TENM3: variants seen among roughly 807,000 people sequenced by gnomAD.
The protein encoded by TENM3 is teneurin transmembrane protein 3.
Under a neutral mutation model 255.1 loss-of-function variants are expected in TENM3, and 63 were observed. That is an observed-to-expected ratio of 0.25 (90% CI 0.20 to 0.30). The LOEUF is 0.30. TENM3 is among the 10% of genes least tolerant of loss of function. The pLI, the probability that TENM3 is intolerant of heterozygous loss-of-function variation, is 1.00. For missense variants in TENM3, 2,929 were observed against 3,461.1 expected, an observed-to-expected ratio of 0.85 and a Z score of 3.86; for synonymous variants, 1,306 against 1,322.3, an observed-to-expected ratio of 0.99 and a Z score of 0.27.
At chr4:181,832,938 G>A in the TENM3 span, among the ~76,000 whole-genome samples, 1 of 152,152 alleles carries the variant, frequency 6.6e-6, no homozygotes, top group African/African-American at 2.4e-5. Context: ...TACCAAACTA[G>A]TGGTGGACAC....
rs571501171 is a variant in TENM3, at chr4:182,446,537, T to G, written c.511+99608T>G. Among the ~76,000 whole-genome samples the G allele has an allele frequency of 2.0e-5, 3 of 152,296 alleles. No individual in the cohort carries two copies. The South Asian group carries it at 6.2e-4, about 32-fold the overall frequency. Reference sequence around the variant, plus strand: ...TGCTTATCTTTCTGCATTCGAACGTTCTAGTCCAAGTCCAGATTTGCTAAC... The same window carrying G: ...TGCTTATCTTTCTGCATTCGAACGTGCTAGTCCAAGTCCAGATTTGCTAAC... On this transcript the variant is annotated intron_variant, in intron 3 of 27. Coordinates refer to ENST00000511685, the MANE Select transcript of TENM3 (RefSeq NM_001080477.4).
the TENM3 span, among the ~76,000 whole-genome samples, chr4:181,782,123 T>G: frequency 2.6e-5 from 4 of 152,312 alleles, no homozygotes; most frequent in South Asian, 8.3e-4. Context: ...ATCAGGATGA[T>G]GCTGGCCTCA....
At chr4:181,785,659 C>T in the TENM3 span, among the ~76,000 whole-genome samples, 1 of 152,032 alleles carries the variant, frequency 6.6e-6, no homozygotes, top group Non-Finnish European at 1.5e-5. Flanking sequence ...ATTTGAGATG[C>T]TTAGCTAGTG....
the TENM3 span, among the ~76,000 whole-genome samples, chr4:181,818,990 C>A: frequency 1.3e-5 from 2 of 152,172 alleles, no homozygotes; most frequent in African/African-American, 2.4e-5. Context: ...AAGACCATGA[C>A]CATGGTTAGG....
chr4:181,864,887 C>T, the TENM3 span, among the ~76,000 whole-genome samples: 4 of 152,158 alleles, frequency 2.6e-5, no homozygotes, highest in African/African-American at 7.2e-5. Context: ...ATTAGCAAAC[C>T]GCGTCTTTCA....
chr4:181,608,293 T>C, the TENM3 span, among the ~76,000 whole-genome samples: 1 of 152,194 alleles, frequency 6.6e-6, no homozygotes, highest in Non-Finnish European at 1.5e-5. Context: ...CATGCATAAT[T>C]TGAAAATAAT....
chr4:182,756,849 G>C (rs774962457), intron 22 of TENM3, among the ~76,000 whole-genome samples: 1 of 152,100 alleles, frequency 6.6e-6, no homozygotes, highest in African/African-American at 2.4e-5. Context: ...CATTCCTTTT[G>C]CTCATTTTAG....
intron 3 of TENM3, among the ~76,000 whole-genome samples, chr4:182,443,983 C>T (rs1188200658): frequency 6.6e-6 from 1 of 152,262 alleles, no homozygotes; most frequent in Non-Finnish European, 1.5e-5. Flanking sequence ...GAAATGATTT[C>T]AGATGTGGGT....
chr4:181,579,893 T>C, the TENM3 span, among the ~76,000 whole-genome samples: 1,728 of 152,192 alleles, frequency 0.011, 33 homozygotes, highest in South Asian at 0.092. Context: ...TCCCCATGTT[T>C]GGGAGACTGC....
At chr4:181,974,136 C>T in the TENM3 span, among the ~76,000 whole-genome samples, 9 of 152,178 alleles carry the variant, frequency 5.9e-5, no homozygotes, top group South Asian at 2.1e-4. Context: ...GTCCTGCATG[C>T]GGAAGAAATG....
At chr4:181,732,667 A>G in the TENM3 span, among the ~76,000 whole-genome samples, 1 of 152,142 alleles carries the variant, frequency 6.6e-6, no homozygotes, top group African/African-American at 2.4e-5. Flanking sequence ...GTTCCAATTA[A>G]TAGAAAATTG....
the TENM3 span, among the ~76,000 whole-genome samples, chr4:181,661,188 T>G: frequency 6.6e-6 from 1 of 152,144 alleles, no homozygotes; most frequent in African/African-American, 2.4e-5. Flanking sequence ...AAAAACTGAC[T>G]CTAATATCGA....
At chr4:182,326,305 T>C (rs2150519370) in intron 2 of TENM3, among the ~76,000 whole-genome samples, 1 of 152,276 alleles carries the variant, frequency 6.6e-6, no homozygotes, top group Non-Finnish European at 1.5e-5. Flanking sequence ...GCAGCTCCCC[T>C]GGTGAGGTGG....
chr4:182,155,452 TATATG>T lies in TENM3; in HGVS notation c.-76+10702_-76+10706del, dbSNP rs576486180. On this transcript the variant is annotated intron_variant, in intron 1 of 2. Coordinates refer to the TENM3 transcript ENST00000512480. Reference sequence around the variant, plus strand: ...AAATATTTTATATCTATAATAAAGATATATGATACTAAAATTATTTTCTGTTCTTC... The same window carrying T: ...AAATATTTTATATCTATAATAAAGATATACTAAAATTATTTTCTGTTCTTC... Among the ~76,000 whole-genome samples, 4 of 152,194 alleles carry T rather than the reference TATATG, an allele frequency of 2.6e-5. No homozygotes were observed. The South Asian group carries it at 8.3e-4, about 32-fold the overall frequency.
the TENM3 span, among the ~76,000 whole-genome samples, chr4:182,099,197 C>T: frequency 6.6e-6 from 1 of 152,028 alleles, no homozygotes; most frequent in Non-Finnish European, 1.5e-5. Flanking sequence ...CTACAGGGCT[C>T]AGGCAGTCCA....
chr4:182,554,095 A>T lies in TENM3; in HGVS notation c.512-46829A>T, dbSNP rs555875975. Among the ~76,000 whole-genome samples the T allele has an allele frequency of 2.0e-3, 308 of 152,320 alleles. 11 individuals carry two copies. The South Asian group carries it at 0.061, about 30-fold the overall frequency. ...AGAACCTGACAAAAATTTATTCCTT[A>T]GCTAAAAAGGGATAATAATTGCTTC... On this transcript the variant is annotated intron_variant, in intron 3 of 27. Coordinates refer to ENST00000511685, the MANE Select transcript of TENM3 (RefSeq NM_001080477.4).
chr4:181,666,788 A>C, the TENM3 span, among the ~76,000 whole-genome samples: 1 of 152,130 alleles, frequency 6.6e-6, no homozygotes. Context: ...GGATTTAGTA[A>C]GTTTCCTTAC....
chr4:182,388,759 A>G (rs147874422), intron 3 of TENM3, among the ~76,000 whole-genome samples: 1 of 152,226 alleles, frequency 6.6e-6, no homozygotes, highest in Non-Finnish European at 1.5e-5. Context: ...AGGAAATTGA[A>G]TGTGAAACTC....
At chr4:181,901,634 A>G in the TENM3 span, among the ~76,000 whole-genome samples, 2 of 152,176 alleles carry the variant, frequency 1.3e-5, no homozygotes, top group African/African-American at 4.8e-5. Flanking sequence ...AAATACTCAC[A>G]GCTGAAAGCC....
Sources: allele counts gnomAD v4.1 joint callset (sites outside exome capture counted in the v4.1 genomes callset), GRCh38; gene constraint gnomAD v4.1.1; transcripts MANE v1.5; gene names NCBI Gene and HGNC (gene_info 2026-07-23, HGNC 2026-07-21).